Variants in NDUFB5 observed in about 807,000 individuals in gnomAD.
NDUFB5 encodes the protein NADH dehydrogenase [ubiquinone] 1 beta subcomplex subunit 5, mitochondrial.
A neutral mutation model predicts 19.4 loss-of-function variants in NDUFB5; 19 were observed. The observed-to-expected ratio is 0.98, with a 90% CI of 0.68 to 1.43. The LOEUF is 1.43. NDUFB5 is among the 40% of genes most tolerant of loss of function. The probability of loss-of-function intolerance (pLI) is 0.00; values close to 1 mark genes in which losing one functional copy is unlikely to be tolerated. For synonymous variants in NDUFB5, 80 were observed against 82.6 expected, an observed-to-expected ratio of 0.97 and a Z score of 0.17; for missense variants, 233 against 236.5, an observed-to-expected ratio of 0.99 and a Z score of 0.10.
chr3:179,614,887 T>A (rs1473122902), intron 1 of NDUFB5, 84 bp from the exon 2 acceptor site: 14 of 1,001,030 alleles, frequency 1.4e-5, no homozygotes, highest in Non-Finnish European at 1.9e-5. Context: ...ATCCTTGTAT[T>A]TTTTTATAAT....
At chr3:179,620,673 G>T (rs1719511736) in intron 5 of NDUFB5, among the ~76,000 whole-genome samples, 1 of 152,128 alleles carries the variant, frequency 6.6e-6, no homozygotes, top group Admixed American at 6.6e-5. Context: ...TTGACTTGGA[G>T]TGCCTGTGTT....
At chr3:179,612,077 G>T (rs1719256651) in intron 1 of NDUFB5, among the ~76,000 whole-genome samples, 1 of 151,900 alleles carries the variant, frequency 6.6e-6, no homozygotes, top group Non-Finnish European at 1.5e-5. Flanking sequence ...AGCCTCCCGA[G>T]TAGCTGGGAG....
chr3:179,610,882 A>G (rs1465809765), intron 1 of NDUFB5, among the ~76,000 whole-genome samples: 1 of 152,244 alleles, frequency 6.6e-6, no homozygotes, highest in Non-Finnish European at 1.5e-5. Flanking sequence ...ATTAATATGG[A>G]TGTATAAACA....
rs1219653781 is a variant in NDUFB5, at chr3:179,604,877, G to A, written c.62G>A (p.Arg21Gln). ...SVTAVAALSG[R>Q]PLGTRLGFGG... ...ACTGCGGTGGCAGCTCTGTCTGGCC[G>A]GCCCCTTGGCACTCGCCTCGGATTT... The change falls in exon 1 of 6, where the codon CGG becomes CAG. Residue 21 changes from arginine to glutamine, a missense_variant. By Grantham distance (43) the Arg-to-Gln change is conservative (BLOSUM62 1). Transcript: ENST00000259037. 1 of 1,596,226 alleles carries A rather than the reference G, an allele frequency of 6.3e-7. No homozygotes were observed. Among genetic ancestry groups the A allele is most frequent in the Non-Finnish European group, 8.5e-7 (1 of 1,175,296 alleles).
At chr3:179,618,029 C>T (rs906794224) in intron 4 of NDUFB5, among the ~76,000 whole-genome samples, 5 of 152,172 alleles carry the variant, frequency 3.3e-5, no homozygotes, top group African/African-American at 1.2e-4. Context: ...GCAGACCTTA[C>T]ACTTAGTTTG....
chr3:179,619,515 A>G (rs1365061831), intron 5 of NDUFB5, among the ~76,000 whole-genome samples: 3 of 152,088 alleles, frequency 2.0e-5, no homozygotes, highest in African/African-American at 7.2e-5. Flanking sequence ...CCATGTCCCT[A>G]CAAAGGACAT....
At chr3:179,619,609 A>G (rs1285130573) in intron 5 of NDUFB5, among the ~76,000 whole-genome samples, 1 of 152,190 alleles carries the variant, frequency 6.6e-6, no homozygotes, top group Admixed American at 6.5e-5. Flanking sequence ...ACTGTTGGAC[A>G]TTTGGCTTGT....
At chr3:179,616,880 A>T (rs1719392756) in intron 3 of NDUFB5, 103 bp from the exon 4 acceptor site, 1 of 809,166 alleles carries the variant, frequency 1.2e-6, no homozygotes, top group Admixed American at 2.7e-5. Context: ...TTTTTAAAGA[A>T]TCCTTTAAAA....
intron 1 of NDUFB5, among the ~76,000 whole-genome samples, chr3:179,612,374 A>G (rs1291878091): frequency 6.6e-6 from 1 of 151,996 alleles, no homozygotes. Context: ...AACAATATTA[A>G]TAAGTTATCT....
At chr3:179,615,126 A>G in intron 2 of NDUFB5, 67 bp downstream of exon 2, 1 of 806,596 alleles carries the variant, frequency 1.2e-6, no homozygotes, top group East Asian at 2.5e-5. Context: ...TTGCCTCTTT[A>G]GAAAACATCT....
intron 1 of NDUFB5, among the ~76,000 whole-genome samples, chr3:179,614,617 T>A (rs1248748424): frequency 6.6e-6 from 1 of 152,242 alleles, no homozygotes; most frequent in African/African-American, 2.4e-5. Context: ...TTAGATACTT[T>A]AACTTTGAAT....
At chr3:179,617,089 C>A in intron 4 of NDUFB5, 45 bp downstream of exon 4, 1 of 1,371,694 alleles carries the variant, frequency 7.3e-7, no homozygotes, top group South Asian at 1.2e-5. Flanking sequence ...CATGCCTTGT[C>A]AACGCACTAG....
At chr3:179,609,883 A>G (rs1351791709) in intron 1 of NDUFB5, among the ~76,000 whole-genome samples, 2 of 152,006 alleles carry the variant, frequency 1.3e-5, no homozygotes, top group Non-Finnish European at 2.9e-5. Flanking sequence ...CTTCTTGACC[A>G]TTTGTGTATA....
chr3:179,627,619 C>T lies in NDUFB5; in HGVS notation c.*3579C>T, dbSNP rs1719702903. On this transcript the variant is annotated 3_prime_UTR_variant, in exon 6 of 6. Coordinates refer to ENST00000259037, the MANE Select transcript of NDUFB5 (RefSeq NM_002492.4). ...TGTTAATCTGACTGGGCCGGAGCAC[C>T]TAAATAATAAATATTCTCCTGAACC... 1 of 152,144 alleles carries T rather than the reference C, an allele frequency of 6.6e-6. No individual in the cohort carries two copies. The highest frequency in any genetic ancestry group is 1.5e-5 in the Non-Finnish European group (1 of 68,044). 9.4% of individuals were successfully genotyped at this position (152,144 alleles called of 1,614,324 possible).
At position 179,627,047 on chromosome 3, in the gene NDUFB5, T is replaced by A. The variant is rs1719690812; in HGVS notation, c.*3007T>A. The A allele has an allele frequency of 6.6e-6, 1 of 152,132 alleles. No individual in the cohort carries two copies. Among genetic ancestry groups the A allele is most frequent in the Admixed American group, 6.5e-5 (1 of 15,272 alleles). 9.4% of individuals were successfully genotyped at this position (152,132 alleles called of 1,614,324 possible). A position where few individuals can be genotyped will look rare whatever the true frequency, so the allele number is the denominator to read the frequency against. ...AAGCATGGCACCAGCATTGCTTGGC[T>A]TCTGGGGAGGCCTCAAGGAACTTTC... is the stretch of plus-strand genomic sequence containing the variant. On this transcript the variant is annotated 3_prime_UTR_variant, in exon 6 of 6. Coordinates refer to ENST00000259037, the MANE Select transcript of NDUFB5 (RefSeq NM_002492.4).
intron 2 of NDUFB5, 158 bp from the exon 3 acceptor site, chr3:179,615,825 C>A: frequency 1.5e-6 from 1 of 660,860 alleles, no homozygotes; most frequent in Non-Finnish European, 2.7e-6. Context: ...CATTGCTTTA[C>A]CAAAAAGTAA....
In NDUFB5 at chr3:179,616,967, C is replaced by T. The variant is rs747881063; in HGVS notation, c.281-16C>T. 1.3e-6 allele frequency: 2 copies of T among 1,599,316 alleles called. No homozygotes were observed. The highest frequency in any genetic ancestry group is 1.3e-5 in the African/African-American group (1 of 74,582). On this transcript the variant is annotated splice_polypyrimidine_tract_variant and intron_variant, in intron 3 of 5. Coordinates refer to ENST00000259037, the MANE Select transcript of NDUFB5 (RefSeq NM_002492.4). Reference sequence around the variant, plus strand: ...TCCTCATGCTAAAGTTAAACATAACCATTTTTTCTTATTAGGTCAAGCTGA... The same window carrying T: ...TCCTCATGCTAAAGTTAAACATAACTATTTTTTCTTATTAGGTCAAGCTGA...
rs1576880422 is a variant in NDUFB5, at chr3:179,613,778, A to C, written c.125-1193A>C. ...CAGATGTTACCAAAATTAAGAAGAT[A>C]GTTCCTGCTTTCAAGATATTTATAC... On this transcript the variant is annotated intron_variant, in intron 1 of 5. Coordinates refer to ENST00000259037, the MANE Select transcript of NDUFB5 (RefSeq NM_002492.4). 3.3e-5 allele frequency among the ~76,000 whole-genome samples: 5 copies of C among 152,362 alleles called. No individual in the cohort carries two copies. The South Asian group carries it at 8.3e-4, about 25-fold the overall frequency.
In NDUFB5 at chr3:179,624,676, G is replaced by A. The variant is rs1401933300; in HGVS notation, c.*636G>A. The A allele has an allele frequency of 2.0e-5, 3 of 151,284 alleles. No homozygotes were observed. Among genetic ancestry groups the A allele is most frequent in the African/African-American group, 7.3e-5 (3 of 40,966 alleles). 9.4% of individuals were successfully genotyped at this position (151,284 alleles called of 1,614,324 possible). A position where few individuals can be genotyped will look rare whatever the true frequency, so the allele number is the denominator to read the frequency against. ...TGGGGAAGTAGTTGCACTAGGTAAT[G>A]TGATTCCTGCAGAGATTATAAAATG... On this transcript the variant is annotated 3_prime_UTR_variant, in exon 6 of 6. Transcript: ENST00000259037.
Sources: gnomAD v4.1 joint callset for allele counts (sites outside exome capture counted in the v4.1 genomes callset) on GRCh38, gnomAD v4.1.1 for gene constraint, MANE v1.5 for transcripts, NCBI Gene and HGNC (gene_info 2026-07-23, HGNC 2026-07-21) for gene names.